Variants in SLC44A5 observed in about 807,000 individuals in gnomAD.
SLC44A5 encodes the protein solute carrier family 44 member 5, also known as choline transporter-like protein 5.
A neutral mutation model predicts 101.8 loss-of-function variants in SLC44A5; 57 were observed. That is an observed-to-expected ratio of 0.56 (90% CI 0.45 to 0.70). SLC44A5 has a LOEUF of 0.70. Ranked by LOEUF, SLC44A5 falls within the 30% of genes least tolerant of loss-of-function variation. The pLI is 0.00. For synonymous variants in SLC44A5, 281 were observed against 290.9 expected (o/e 0.97, Z 0.35); for missense variants, 737 against 853.1 (o/e 0.86, Z 1.70).
chr1:75,476,732 T>C (rs1030071799), intron 2 of SLC44A5, among the ~76,000 whole-genome samples: 1 of 152,160 alleles, frequency 6.6e-6, no homozygotes, highest in Admixed American at 6.5e-5. Context: ...CTTGCTTAGG[T>C]AGACAAAGCA....
intron 2 of SLC44A5, among the ~76,000 whole-genome samples, chr1:75,441,592 T>A (rs1015302640): frequency 2.0e-5 from 3 of 151,624 alleles, no homozygotes; most frequent in Non-Finnish European, 4.4e-5. Flanking sequence ...GAGTATTGGT[T>A]GAATTAAAAA....
At chr1:75,373,991 T>C (rs1660400616) in intron 3 of SLC44A5, among the ~76,000 whole-genome samples, 1 of 152,146 alleles carries the variant, frequency 6.6e-6, no homozygotes, top group Non-Finnish European at 1.5e-5. Context: ...GCATGGGAGC[T>C]GGTCATCCCT....
At chr1:75,207,573 T>C (rs1013169633) in intron 23 of SLC44A5, among the ~76,000 whole-genome samples, 6 of 152,146 alleles carry the variant, frequency 3.9e-5, no homozygotes, top group African/African-American at 1.2e-4. Context: ...GGTTGGGTCA[T>C]TGGTTTAGTA....
chr1:75,595,548 T>C (rs1016504680), intron 1 of SLC44A5, among the ~76,000 whole-genome samples: 2 of 152,162 alleles, frequency 1.3e-5, no homozygotes, highest in African/African-American at 4.8e-5. Context: ...AATAGATTCA[T>C]GATATTGATT....
At chr1:75,291,862 A>C (rs1443135523) in intron 5 of SLC44A5, among the ~76,000 whole-genome samples, 1 of 151,934 alleles carries the variant, frequency 6.6e-6, no homozygotes, top group African/African-American at 2.4e-5. Flanking sequence ...AATACAAAAA[A>C]TTAGCCAGGC....
At chr1:75,588,195 G>C (rs191260279) in intron 1 of SLC44A5, among the ~76,000 whole-genome samples, 1 of 145,452 alleles carries the variant, frequency 6.9e-6, no homozygotes, top group Non-Finnish European at 1.5e-5. Flanking sequence ...GTTAGGAGAA[G>C]GAAAGAAAGA....
chr1:75,701,234 G>A, the SLC44A5 span, among the ~76,000 whole-genome samples: 1 of 152,176 alleles, frequency 6.6e-6, no homozygotes, highest in Non-Finnish European at 1.5e-5. Flanking sequence ...TATCCCTGAT[G>A]AACATCGATG....
Position 75,218,500 on chromosome 1 carries a change from G to A in SLC44A5, c.1519C>T (p.Arg507Ter), listed in dbSNP as rs200948281. The A allele has an allele frequency of 1.7e-5, 27 of 1,612,140 alleles. No homozygotes were observed. The highest frequency in any genetic ancestry group is 2.1e-5 in the Non-Finnish European group (25 of 1,179,406). ...PRYPLFTAFG[R>*]AIRYHTGSLA... Reference sequence around the variant, plus strand: ...CAACTTGAAACTTACCGTATGGCTCGTCCAAATGCAGTAAAAAGTGGATAT... The same window carrying A: ...CAACTTGAAACTTACCGTATGGCTCATCCAAATGCAGTAAAAAGTGGATAT... Residue 507 changes from arginine (R) to a stop codon, truncating the protein, a stop_gained, in exon 17 of 24, where the codon CGA becomes TGA. Transcript: ENST00000370859. LOFTEE classifies it high-confidence loss of function.
chr1:75,275,470 A>C (rs1265380152), intron 5 of SLC44A5, among the ~76,000 whole-genome samples: 1 of 152,186 alleles, frequency 6.6e-6, no homozygotes, highest in African/African-American at 2.4e-5. Flanking sequence ...ACCATTAAAA[A>C]ATTCAAAGGG....
chr1:75,489,838 CA>C (rs1338914862), intron 2 of SLC44A5, among the ~76,000 whole-genome samples: 2 of 152,070 alleles, frequency 1.3e-5, no homozygotes, highest in Non-Finnish European at 2.9e-5. Context: ...TAATAGTAAG[CA>C]AAATAAATAA....
the SLC44A5 span, among the ~76,000 whole-genome samples, chr1:75,636,592 A>G: frequency 1.3e-5 from 2 of 152,130 alleles, no homozygotes; most frequent in Non-Finnish European, 2.9e-5. Context: ...AGGAACTGCA[A>G]TCATTTAATA....
chr1:75,644,654 T>C, the SLC44A5 span, among the ~76,000 whole-genome samples: 2 of 151,728 alleles, frequency 1.3e-5, no homozygotes, highest in African/African-American at 4.8e-5. Flanking sequence ...TTTTTTTTAA[T>C]TATACTTTAA....
chr1:75,463,342 C>T (rs4949860), intron 2 of SLC44A5, among the ~76,000 whole-genome samples: 13,967 of 148,798 alleles, frequency 0.094, 826 homozygotes, highest in Admixed American at 0.19. Flanking sequence ...ATGGCGTGAA[C>T]CTGGGAGGCG....
At chr1:75,406,843 TAGA>T (rs966644564) in intron 2 of SLC44A5, among the ~76,000 whole-genome samples, 4 of 151,954 alleles carry the variant, frequency 2.6e-5, no homozygotes, top group African/African-American at 9.7e-5. Flanking sequence ...AACATAGTAT[TAGA>T]AGTTCTGGCC....
At chr1:75,687,860 C>A in the SLC44A5 span, among the ~76,000 whole-genome samples, 2 of 152,156 alleles carry the variant, frequency 1.3e-5, no homozygotes, top group Non-Finnish European at 2.9e-5. Flanking sequence ...GCTCCCCTAG[C>A]CCACTAGTAT....
chr1:75,603,268 A>G (rs1398384493), intron 1 of SLC44A5, among the ~76,000 whole-genome samples: 2 of 152,056 alleles, frequency 1.3e-5, no homozygotes, highest in Non-Finnish European at 2.9e-5. Flanking sequence ...TCCATTTAGG[A>G]TAATGGCTTC....
intron 2 of SLC44A5, among the ~76,000 whole-genome samples, chr1:75,405,420 G>A (rs565723740): frequency 5.9e-5 from 9 of 152,074 alleles, no homozygotes; most frequent in Non-Finnish European, 1.0e-4. Context: ...ACAGCACTAC[G>A]TTGCACTTAT....
chr1:75,621,492 G>C, the SLC44A5 span, among the ~76,000 whole-genome samples: 1 of 152,142 alleles, frequency 6.6e-6, no homozygotes, highest in Admixed American at 6.5e-5. Flanking sequence ...CACAAAGCAT[G>C]ATTGCCATGA....
intron 2 of SLC44A5, among the ~76,000 whole-genome samples, chr1:75,462,056 G>C (rs563052718): frequency 3.0e-4 from 45 of 152,338 alleles, no homozygotes; most frequent in African/African-American, 8.7e-4. Flanking sequence ...CATAGCCAGG[G>C]AGTAGTTAAG....
Sources: allele counts gnomAD v4.1 joint callset (sites outside exome capture counted in the v4.1 genomes callset), GRCh38; gene constraint gnomAD v4.1.1; transcripts MANE v1.5; gene names NCBI Gene and HGNC (gene_info 2026-07-23, HGNC 2026-07-21).